The following MID2 variants were observed in gnomAD, a reference collection of about 807,000 sequenced individuals.
MID2 encodes midline 2, also known as probable E3 ubiquitin-protein ligase MID2.
In MID2, 13 loss-of-function variants were observed where a neutral mutation model predicts 46.1. The observed-to-expected ratio is 0.28, with a 90% CI of 0.18 to 0.45. The LOEUF is 0.45. MID2 is among the 20% of genes least tolerant of loss of function. The pLI is 1.00. For missense variants in MID2, 431 were observed against 575.4 expected (o/e 0.75, Z 2.57); for synonymous variants, 199 against 212.3 (o/e 0.94, Z 0.55).
At chrX:107,877,058 C>T (rs889025295) in intron 3 of MID2, among the ~76,000 whole-genome samples, 2 of 111,622 alleles carry the variant, frequency 1.8e-5, no homozygotes, top group African/African-American at 6.5e-5. Context: ...CTCTGGGGTT[C>T]ATTTCTTTAG....
chrX:107,923,516 C>T (rs1049869698), intron 7 of MID2, among the ~76,000 whole-genome samples: 3 of 111,930 alleles, frequency 2.7e-5, no homozygotes, highest in Admixed American at 1.9e-4. Context: ...ACAATGTGCT[C>T]CTGGACCACT....
At chrX:107,860,773 T>A (rs1931836901) in intron 3 of MID2, among the ~76,000 whole-genome samples, 1 of 112,297 alleles carries the variant, frequency 8.9e-6, no homozygotes, top group African/African-American at 3.2e-5. Context: ...TCCAGCTGAG[T>A]GCTTAATATG....
intron 7 of MID2, among the ~76,000 whole-genome samples, chrX:107,923,921 G>T (rs946792396): frequency 9.0e-5 from 10 of 111,716 alleles, no homozygotes; most frequent in African/African-American, 3.3e-4. Context: ...TGTCCCTTTG[G>T]CTGAGTTTCC....
At position 107,903,938 on chromosome X, in the gene MID2, A is replaced by T; in HGVS notation, c.817-20A>T. On this transcript the variant is annotated intron_variant, in intron 3 of 9. Transcript: ENST00000262843. Reference sequence around the variant, plus strand: ...ACAAAGGCAACAATCACTGTGTAATACTCTGAAATTTCTTGGCAGGTGAAT... The same window carrying T: ...ACAAAGGCAACAATCACTGTGTAATTCTCTGAAATTTCTTGGCAGGTGAAT... 9.0e-7 allele frequency: 1 copy of T among 1,111,222 alleles called. No individual in the cohort carries two copies. The allele number at this position is 1,111,222 out of a possible 1,213,427, so 91.6% of individuals were successfully genotyped here. A position where few individuals can be genotyped will look rare whatever the true frequency, so the allele number is the denominator to read the frequency against.
chrX:107,837,660 T>C (rs1380225665), intron 1 of MID2, among the ~76,000 whole-genome samples: 1 of 109,679 alleles, frequency 9.1e-6, no homozygotes, highest in Non-Finnish European at 1.9e-5. Flanking sequence ...GGTGAGATGA[T>C]TGAAATAAAG....
chrX:107,850,970 A>C (rs1327392277), intron 2 of MID2, among the ~76,000 whole-genome samples: 1 of 112,471 alleles, frequency 8.9e-6, no homozygotes, highest in South Asian at 3.6e-4. Context: ...GAAATGCATT[A>C]CAGTTGGAAA....
At chrX:107,847,115 C>A (rs1931505913) in intron 2 of MID2, among the ~76,000 whole-genome samples, 1 of 112,348 alleles carries the variant, frequency 8.9e-6, no homozygotes, top group African/African-American at 3.2e-5. Flanking sequence ...CTAGAACTGA[C>A]AATAACTTAA....
At chrX:107,876,514 C>T (rs986748610) in intron 3 of MID2, among the ~76,000 whole-genome samples, 2 of 111,015 alleles carry the variant, frequency 1.8e-5, no homozygotes, top group African/African-American at 6.6e-5. Flanking sequence ...TCTGGTCCTA[C>T]GTAAGCCCTC....
At chrX:107,828,919 A>G (rs1032731494) in intron 1 of MID2, among the ~76,000 whole-genome samples, 2 of 112,065 alleles carry the variant, frequency 1.8e-5, no homozygotes, top group African/African-American at 6.5e-5. Flanking sequence ...TCGCTCTGTC[A>G]CCCAGGCTGG....
chrX:107,912,600 A>G (rs1423036125), intron 5 of MID2, among the ~76,000 whole-genome samples: 1 of 111,043 alleles, frequency 9.0e-6, no homozygotes. Context: ...TCCTTGGCCT[A>G]TTCCTTTAAT....
chrX:107,893,265 C>T (rs967375416), intron 3 of MID2, among the ~76,000 whole-genome samples: 1 of 112,633 alleles, frequency 8.9e-6, no homozygotes, highest in East Asian at 2.8e-4. Context: ...CTTCTCACTT[C>T]GTGTAAAAAA....
At chrX:107,852,429 G>A (rs760067873) in intron 2 of MID2, among the ~76,000 whole-genome samples, 9 of 111,582 alleles carry the variant, frequency 8.1e-5, no homozygotes, top group South Asian at 3.8e-4. Flanking sequence ...TAGAGATCAC[G>A]TCCAAATCAA....
Position 107,854,688 on chromosome X carries a change from T to A in MID2, c.800T>A (p.Ile267Asn). 8.3e-7 allele frequency: 1 copy of A among 1,206,002 alleles called. No homozygotes were observed. The highest frequency in any genetic ancestry group is 1.1e-6 in the Non-Finnish European group (1 of 890,298). ...AATCAAATGGCCAAACTAATACAGA[T>A]CTGCCAGCAGGTTGAGGTATGTAAC... Reference protein sequence around the residue: ...LENQMAKLIQICQQVEVNTAM... With the variant: ...LENQMAKLIQNCQQVEVNTAM... Residue 267 changes from isoleucine (I) to asparagine (N), a missense_variant, in exon 3 of 10, where the codon ATC (isoleucine) becomes AAC (asparagine). Transcript: ENST00000262843.
intron 3 of MID2, among the ~76,000 whole-genome samples, chrX:107,892,074 T>C (rs1477619275): frequency 8.9e-6 from 1 of 112,214 alleles, no homozygotes; most frequent in Non-Finnish European, 1.9e-5. Flanking sequence ...TCTGTATATA[T>C]ACAGGGAGTA....
At chrX:107,837,538 TAA>T (rs35451756) in intron 1 of MID2, among the ~76,000 whole-genome samples, 82 of 87,035 alleles carry the variant, frequency 9.4e-4, no homozygotes, top group African/African-American at 2.6e-3. Flanking sequence ...ACATGCTGTT[TAA>T]AAAAAAAAAA....
chrX:107,923,791 A>T (rs774575055), intron 7 of MID2, among the ~76,000 whole-genome samples: 2 of 111,936 alleles, frequency 1.8e-5, no homozygotes, highest in East Asian at 5.6e-4. Context: ...CTACCATTTT[A>T]AAAATACCAG....
chrX:107,891,191 C>T (rs776668089), intron 3 of MID2, among the ~76,000 whole-genome samples: 3 of 110,360 alleles, frequency 2.7e-5, no homozygotes, highest in East Asian at 2.9e-4. Flanking sequence ...AGAAATCACC[C>T]GTCTTCTGCG....
intron 3 of MID2, among the ~76,000 whole-genome samples, chrX:107,886,318 T>A (rs1241571349): frequency 8.9e-6 from 1 of 112,076 alleles, no homozygotes; most frequent in Non-Finnish European, 1.9e-5. Flanking sequence ...AAGGAAGGGA[T>A]CCAGTTTCAG....
At chrX:107,883,330 C>T (rs1932371658) in intron 3 of MID2, among the ~76,000 whole-genome samples, 1 of 110,804 alleles carries the variant, frequency 9.0e-6, no homozygotes, top group Admixed American at 9.6e-5. Flanking sequence ...TGCACATGTA[C>T]CCCAGAACTT....
Sources: gnomAD v4.1 joint callset for allele counts (sites outside exome capture counted in the v4.1 genomes callset) on GRCh38, gnomAD v4.1.1 for gene constraint, MANE v1.5 for transcripts, NCBI Gene and HGNC (gene_info 2026-07-23, HGNC 2026-07-21) for gene names.